Variants in FILIP1 observed in about 807,000 individuals in gnomAD.
FILIP1 encodes the protein filamin A interacting protein 1, also known as filamin-A-interacting protein 1.
FILIP1 carries 61 observed loss-of-function variants against 102.1 expected under a neutral mutation model. The observed-to-expected ratio is 0.60, with a 90% CI of 0.49 to 0.74. The LOEUF (loss-of-function observed/expected upper bound fraction) is 0.74, where lower values mean the gene tolerates loss of function less well. Ranked by LOEUF, FILIP1 falls within the 30% of genes least tolerant of loss-of-function variation. The pLI is 0.00. For missense variants in FILIP1, 1,314 were observed against 1,441.2 expected, an observed-to-expected ratio of 0.91 and a Z score of 1.43; for synonymous variants, 491 against 526.9, an observed-to-expected ratio of 0.93 and a Z score of 0.93.
At chr6:75,407,928 C>A (rs1776931134) in intron 2 of FILIP1, among the ~76,000 whole-genome samples, 1 of 152,120 alleles carries the variant, frequency 6.6e-6, no homozygotes, top group Admixed American at 6.5e-5. Context: ...GCCAGATATT[C>A]TATGTTATGG....
chr6:75,482,594 A>G (rs1264589801), intron 1 of FILIP1, among the ~76,000 whole-genome samples: 1 of 152,222 alleles, frequency 6.6e-6, no homozygotes, highest in Admixed American at 6.5e-5. Context: ...TGCTAATTAG[A>G]GCTACTAAGT....
At chr6:75,420,010 A>C in intron 1 of FILIP1, among the ~76,000 whole-genome samples, 1 of 152,172 alleles carries the variant, frequency 6.6e-6, no homozygotes, top group Non-Finnish European at 1.5e-5. Flanking sequence ...AAAATAACTA[A>C]GGTTTTTACT....
Position 75,353,658 on chromosome 6 carries a change from C to G in FILIP1, c.510G>C (p.Leu170Phe), listed in dbSNP as rs1417228334. The change falls in exon 4 of 6, where the codon TTG (leucine) becomes TTC (phenylalanine). Residue 170 changes from leucine to phenylalanine, a missense_variant. Leu to Phe is a conservative substitution (Grantham distance 22). Around this residue, in one of 3 missense-constraint regions of FILIP1, gnomAD observed 494 missense variants for 511.2 expected, o/e 0.97. Coordinates refer to ENST00000237172, the MANE Select transcript of FILIP1 (RefSeq NM_015687.5). The stretch of plus-strand genomic sequence containing the variant: ...TGCGCCTATGACACTTCTCGGCCAG[C>G]AACAGCTGCTCTAGCATGCGCCGGT... Reference protein sequence around the residue: ...ETYRRMLEQLLLAEKCHRRTV... With the variant: ...ETYRRMLEQLFLAEKCHRRTV... The G allele has an allele frequency of 6.2e-7, 1 of 1,614,062 alleles. No homozygotes were observed. Among genetic ancestry groups the G allele is most frequent in the African/African-American group, 1.3e-5 (1 of 74,952 alleles).
chr6:75,454,756 T>C (rs137944201), intron 1 of FILIP1, among the ~76,000 whole-genome samples: 92 of 152,338 alleles, frequency 6.0e-4, no homozygotes, highest in African/African-American at 2.2e-3. Context: ...ATGTTTTTAA[T>C]TAGCAGAAAC....
intron 2 of FILIP1, among the ~76,000 whole-genome samples, chr6:75,385,923 C>T (rs1017869534): frequency 6.6e-6 from 1 of 151,576 alleles, no homozygotes; most frequent in African/African-American, 2.4e-5. Flanking sequence ...GAAATCTTTG[C>T]CGTACTAGCT....
At chr6:75,365,340 G>GT (rs1244633064) in intron 2 of FILIP1, among the ~76,000 whole-genome samples, 2 of 136,224 alleles carry the variant, frequency 1.5e-5, no homozygotes, top group Admixed American at 1.5e-4. Flanking sequence ...TTAAGGGCTG[G>GT]TTTTTTTGTT....
intron 2 of FILIP1, among the ~76,000 whole-genome samples, chr6:75,378,696 C>T (rs1429740860): frequency 6.6e-6 from 1 of 152,154 alleles, no homozygotes; most frequent in African/African-American, 2.4e-5. Flanking sequence ...GGCATTTTCA[C>T]TTGATGGTGA....
chr6:75,297,044 G>A lies in FILIP1; in HGVS notation c.3494-1094C>T, dbSNP rs1248870714. ...CCTAACATCACTGAGATTATACACA[G>A]CAGGGGAAAGAAAATATTCAAACTT... On this transcript the variant is annotated intron_variant, in intron 6 of 6. Transcript: ENST00000393004. The A allele has an allele frequency of 2.0e-5, 3 of 152,026 alleles. No individual in the cohort carries two copies. The East Asian group carries it at 5.8e-4, about 29-fold the overall frequency. The allele number at this position is 152,026 out of a possible 1,614,324, so 9.4% of individuals were successfully genotyped here. A position where few individuals can be genotyped will look rare whatever the true frequency, so the allele number is the denominator to read the frequency against.
chr6:75,412,873 T>C (rs1777125312), intron 2 of FILIP1, among the ~76,000 whole-genome samples: 1 of 152,210 alleles, frequency 6.6e-6, no homozygotes, highest in South Asian at 2.1e-4. Context: ...TTCTCTTCAC[T>C]GCCTCCCACA....
In FILIP1 at chr6:75,319,538, GA is replaced by G. The variant is rs1204169585; in HGVS notation, c.630-4337del. 56 of 559,374 alleles carry G rather than the reference GA, an allele frequency of 1.0e-4. No individual in the cohort carries two copies. In the Middle Eastern group the frequency reaches 2.3e-3, roughly 23 times the overall value. 34.7% of individuals were successfully genotyped at this position (559,374 alleles called of 1,614,324 possible). ...CTTCTACCTCTCTGAGCACTTCTTA[GA>G]AAACTCTGAGGCCGGGCCCGGTGGC... On this transcript the variant is annotated intron_variant, in intron 4 of 5. Transcript: ENST00000237172.
intron 4 of FILIP1, among the ~76,000 whole-genome samples, chr6:75,353,211 A>G (rs1424928080): frequency 6.6e-6 from 1 of 152,116 alleles, no homozygotes; most frequent in Non-Finnish European, 1.5e-5. Flanking sequence ...ATAATAAAAA[A>G]TAAATAAAAA....
intron 1 of FILIP1, chr6:75,455,381 GT>G (rs1778793112): frequency 1.3e-5 from 2 of 151,610 alleles, no homozygotes; most frequent in African/African-American, 2.4e-5. Flanking sequence ...AATTGTGAGA[GT>G]TTTTTTCATG....
chr6:75,385,264 A>C (rs1443324417), intron 2 of FILIP1, among the ~76,000 whole-genome samples: 1 of 152,192 alleles, frequency 6.6e-6, no homozygotes, highest in Non-Finnish European at 1.5e-5. Context: ...ATATTGCAGT[A>C]ATCTCACATA....
chr6:75,385,653 T>C (rs1251968828), intron 2 of FILIP1: 1 of 152,174 alleles, frequency 6.6e-6, no homozygotes, highest in African/African-American at 2.4e-5. Flanking sequence ...TCTTTCCATA[T>C]GCAGATCCTG....
Position 75,362,922 on chromosome 6 carries a change from A to G in FILIP1, c.277-5T>C. 1 of 1,612,966 alleles carries G rather than the reference A, an allele frequency of 6.2e-7. No homozygotes were observed. Among genetic ancestry groups the G allele is most frequent in the Non-Finnish European group, 8.5e-7 (1 of 1,179,450 alleles). On this transcript the variant is annotated splice_region_variant and splice_polypyrimidine_tract_variant and intron_variant, in intron 2 of 5. Transcript: ENST00000237172. ...GTGGATCACATCTTCTCTGGCCTGT[A>G]ATAGAAAGTGCAGCAAGATCAGACG...
At chr6:75,346,807 A>G (rs1356659814) in intron 4 of FILIP1, among the ~76,000 whole-genome samples, 1 of 152,160 alleles carries the variant, frequency 6.6e-6, no homozygotes, top group Non-Finnish European at 1.5e-5. Flanking sequence ...TCCAGTGGAA[A>G]GTGGGATTTG....
At chr6:75,423,527 C>T (rs1777537713) in intron 1 of FILIP1, among the ~76,000 whole-genome samples, 1 of 152,144 alleles carries the variant, frequency 6.6e-6, no homozygotes, top group Non-Finnish European at 1.5e-5. Context: ...TGAGCTACTA[C>T]AGCTTTCTGA....
chr6:75,375,135 C>G (rs986690668), intron 2 of FILIP1, among the ~76,000 whole-genome samples: 1 of 152,208 alleles, frequency 6.6e-6, no homozygotes, highest in African/African-American at 2.4e-5. Context: ...ACTCAGTCTC[C>G]CATGTAGCCC....
intron 1 of FILIP1, among the ~76,000 whole-genome samples, chr6:75,445,734 G>T (rs184241034): frequency 4.0e-5 from 6 of 151,158 alleles, no homozygotes; most frequent in Admixed American, 6.6e-5. Flanking sequence ...TATATTTGTA[G>T]ATTCCATTCT....
Sources: gnomAD v4.1 joint callset for allele counts (sites outside exome capture counted in the v4.1 genomes callset) on GRCh38, gnomAD v4.1.1 for gene constraint, gnomAD v4.1.1 regional missense constraint, MANE v1.5 for transcripts, NCBI Gene and HGNC (gene_info 2026-07-23, HGNC 2026-07-21) for gene names.